The following GAB1 variants were observed in gnomAD, a reference collection of about 807,000 sequenced individuals.
GAB1 encodes GRB2 associated binding protein 1, also known as GRB2-associated-binding protein 1.
A neutral mutation model predicts 66.5 loss-of-function variants in GAB1; 19 were observed. The observed-to-expected ratio is 0.29, with a 90% CI of 0.20 to 0.42. The LOEUF is 0.42. Ranked by LOEUF, GAB1 falls within the 10% of genes least tolerant of loss-of-function variation. The pLI, the probability that GAB1 is intolerant of heterozygous loss-of-function variation, is 1.00. For synonymous variants in GAB1, 294 were observed against 301.4 expected (o/e 0.98, Z 0.25); for missense variants, 732 against 858.5 (o/e 0.85, Z 1.84).
At chr4:143,401,727 C>T (rs905814987) in intron 1 of GAB1, among the ~76,000 whole-genome samples, 11 of 152,250 alleles carry the variant, frequency 7.2e-5, no homozygotes, top group African/African-American at 2.6e-4. Flanking sequence ...ACCAAAGATA[C>T]ATTCATCCTT....
intron 1 of GAB1, among the ~76,000 whole-genome samples, chr4:143,374,572 A>G (rs1355389861): frequency 1.3e-5 from 2 of 152,204 alleles, no homozygotes; most frequent in Non-Finnish European, 2.9e-5. Flanking sequence ...TTTTGACGAT[A>G]GCTGACTTTT....
Position 143,429,002 on chromosome 4 carries a change from AAAAT to A in GAB1, c.368-4481_368-4478del, listed in dbSNP as rs1436669780. On this transcript the variant is annotated intron_variant, in intron 2 of 9. Transcript: ENST00000262994. ...CCTAGAACTTAAAGTATAATAAATAAAAATAAATAAAAAAAATCATGATAGGATG... is the reference window on the plus strand; with the variant it reads ...CCTAGAACTTAAAGTATAATAAATAAAAATAAAAAAAATCATGATAGGATG... Among the ~76,000 whole-genome samples, 12 of 152,190 alleles carry A rather than the reference AAAAT, an allele frequency of 7.9e-5. No individual in the cohort carries two copies. In the East Asian group the frequency reaches 1.3e-3, roughly 17 times the overall value.
intron 1 of GAB1, among the ~76,000 whole-genome samples, chr4:143,370,862 T>TACAAA (rs1730090838): frequency 6.6e-6 from 1 of 152,194 alleles, no homozygotes; most frequent in East Asian, 1.9e-4. Context: ...TCCATGTCAC[T>TACAAA]ACAAAGGACA....
chr4:143,345,393 A>T (rs969831083), intron 1 of GAB1, among the ~76,000 whole-genome samples: 1 of 152,234 alleles, frequency 6.6e-6, no homozygotes, highest in African/African-American at 2.4e-5. Context: ...ACAAATGGCC[A>T]CATTGTCTCA....
chr4:143,393,039 C>T (rs1174657948), intron 1 of GAB1, among the ~76,000 whole-genome samples: 1 of 151,932 alleles, frequency 6.6e-6, no homozygotes, highest in Non-Finnish European at 1.5e-5. Flanking sequence ...TTTACTGTTT[C>T]ATGTGGACTA....
In GAB1 at chr4:143,438,184, A is replaced by C; in HGVS notation, c.779A>C (p.Asn260Thr). 1 of 1,613,990 alleles carries C rather than the reference A, an allele frequency of 6.2e-7. No individual in the cohort carries two copies. Among genetic ancestry groups the C allele is most frequent in the Non-Finnish European group, 8.5e-7 (1 of 1,179,996 alleles). ...GCTTCAGTTGACTCCAGCCTTTATA[A>C]CCTGCCCAGGAGTTATTCCCATGAT... ...PSASVDSSLYNLPRSYSHDVL... is the reference protein window; with the variant it reads ...PSASVDSSLYTLPRSYSHDVL... The change falls in exon 4 of 10, where the codon AAC (asparagine) becomes ACC (threonine). Residue 260 changes from asparagine to threonine, a missense_variant. Asn to Thr is a moderately conservative substitution (Grantham distance 65). This residue lies in a region of GAB1 where 427 missense variants were observed against 420.6 expected (regional missense o/e 1.02). Transcript: ENST00000262994.
At chr4:143,415,923 A>G in intron 2 of GAB1, 152 bp downstream of exon 2, 1 of 665,212 alleles carries the variant, frequency 1.5e-6, no homozygotes, top group South Asian at 2.4e-5. Flanking sequence ...TGAATCCTTT[A>G]ATTAGTTTGG....
intron 9 of GAB1, among the ~76,000 whole-genome samples, chr4:143,467,751 A>G (rs1305561289): frequency 6.6e-6 from 1 of 152,150 alleles, no homozygotes; most frequent in African/African-American, 2.4e-5. Flanking sequence ...AGTTCCCTTC[A>G]GGGGTCCCTA....
In GAB1 at chr4:143,409,392, C is replaced by CG. The variant is rs200826449; in HGVS notation, c.73-6085_73-6084insG. ...CAATAACAACTTTGAACTTTCCCCC[C>CG]CCCCGCTCTGAAATCTTTTCATTTA... is the stretch of plus-strand genomic sequence containing the variant. On this transcript the variant is annotated intron_variant, in intron 1 of 9. Transcript: ENST00000262994. Among the ~76,000 whole-genome samples the CG allele has an allele frequency of 3.0e-4, 45 of 149,532 alleles. No individual in the cohort carries two copies. In the East Asian group the frequency reaches 6.7e-3, roughly 22 times the overall value.
chr4:143,413,824 CTTTTTTTTT>C (rs35422180), intron 1 of GAB1, among the ~76,000 whole-genome samples: 1 of 67,832 alleles, frequency 1.5e-5, no homozygotes, highest in Non-Finnish European at 2.5e-5. Flanking sequence ...CCCCGCTGCC[CTTTTTTTTT>C]TTTTTTTTTT....
chr4:143,401,433 T>C (rs138192972), intron 1 of GAB1, among the ~76,000 whole-genome samples: 3 of 152,348 alleles, frequency 2.0e-5, no homozygotes, highest in East Asian at 1.9e-4. Context: ...CTGTACCAGA[T>C]TGGGCAAGGC....
chr4:143,401,486 C>G (rs1731771354), intron 1 of GAB1, among the ~76,000 whole-genome samples: 1 of 152,122 alleles, frequency 6.6e-6, no homozygotes, highest in African/African-American at 2.4e-5. Context: ...ATCTTAAATG[C>G]TACAATGTTT....
intron 1 of GAB1, among the ~76,000 whole-genome samples, chr4:143,368,231 C>T (rs544164680): frequency 1.3e-5 from 2 of 150,820 alleles, no homozygotes; most frequent in South Asian, 2.1e-4. Flanking sequence ...TTCTTCTATT[C>T]TAATGATAAT....
rs1578708106 is a variant in GAB1 at position 143,433,580 on chromosome 4, T to G, written c.457T>G (p.Ser153Ala). The G allele has an allele frequency of 6.2e-7, 1 of 1,613,910 alleles. No homozygotes were observed. Among genetic ancestry groups the G allele is most frequent in the South Asian group, 1.1e-5 (1 of 91,084 alleles). ...AGCACCACCATCCACCCAGGCAGAT[T>G]CATCCTCTGCTACTCTACCTCCTCC... ...NTAPPSTQAD[S>A]SSATLPPPYQ... The change falls in exon 3 of 10, where the codon TCA becomes GCA. Residue 153 changes from serine to alanine, a missense_variant. Ser to Ala is a moderately conservative substitution (Grantham distance 99). This residue lies in a region of GAB1 where 427 missense variants were observed against 420.6 expected (regional missense o/e 1.02). Transcript: ENST00000262994.
chr4:143,442,025 A>T (rs1301963203), intron 6 of GAB1, among the ~76,000 whole-genome samples: 1 of 152,174 alleles, frequency 6.6e-6, no homozygotes, highest in Non-Finnish European at 1.5e-5. Flanking sequence ...TTTCTATCGG[A>T]TAATGCTTCC....
At chr4:143,416,037 T>A (rs1359806464) in intron 2 of GAB1, among the ~76,000 whole-genome samples, 1 of 152,232 alleles carries the variant, frequency 6.6e-6, no homozygotes, top group Non-Finnish European at 1.5e-5. Context: ...TAAGAACATT[T>A]ATTGAATTCC....
chr4:143,379,055 T>C (rs1466876038), intron 1 of GAB1, among the ~76,000 whole-genome samples: 2 of 151,908 alleles, frequency 1.3e-5, no homozygotes, highest in African/African-American at 2.4e-5. Flanking sequence ...AAATGTGTTA[T>C]GAAAAAAAGG....
intron 2 of GAB1, chr4:143,425,128 G>A: frequency 1.2e-6 from 1 of 825,844 alleles, no homozygotes; most frequent in Admixed American, 1.7e-5. Context: ...CACTTAGGTG[G>A]CACCAGTCTT....
At chr4:143,417,407 T>C (rs1408345304) in intron 2 of GAB1, 1 of 427,686 alleles carries the variant, frequency 2.3e-6, no homozygotes, top group South Asian at 1.7e-5. Flanking sequence ...TTTATTATTA[T>C]TATTATTTTC....
Sources: allele counts gnomAD v4.1 joint callset (sites outside exome capture counted in the v4.1 genomes callset), GRCh38; gene constraint gnomAD v4.1.1; regional missense constraint gnomAD v4.1.1; transcripts MANE v1.5; gene names NCBI Gene and HGNC (gene_info 2026-07-23, HGNC 2026-07-21).